The following DUSP22 variants were observed in gnomAD, a reference collection of about 807,000 sequenced individuals.
DUSP22 encodes dual specificity protein phosphatase 22.
DUSP22 carries 24 observed loss-of-function variants against 24.5 expected under a neutral mutation model. That is an observed-to-expected ratio of 0.98 (90% confidence interval 0.71 to 1.38). The LOEUF is 1.38. DUSP22 is among the 40% of genes most tolerant of loss of function. The probability of loss-of-function intolerance (pLI) is 0.00; values close to 1 mark genes in which losing one functional copy is unlikely to be tolerated. For synonymous variants in DUSP22, 160 were observed against 106.4 expected (o/e 1.50, Z -3.10); for missense variants, 330 against 269.2 (o/e 1.23, Z -1.58).
At chr6:336,760 C>G (rs1410515222) in intron 4 of DUSP22, among the ~76,000 whole-genome samples, 1 of 152,300 alleles carries the variant, frequency 6.6e-6, no homozygotes, top group Non-Finnish European at 1.5e-5. Flanking sequence ...CAGAGTAGCA[C>G]TCTAGGCCTG....
chr6:301,870 T>A (rs1360669227), intron 1 of DUSP22, among the ~76,000 whole-genome samples: 6 of 152,296 alleles, frequency 3.9e-5, no homozygotes, highest in Admixed American at 3.9e-4. Context: ...ATCATGGTTC[T>A]ACAACATTAG....
chr6:333,669 A>T (rs780732893), intron 3 of DUSP22, among the ~76,000 whole-genome samples: 1 of 152,306 alleles, frequency 6.6e-6, no homozygotes, highest in African/African-American at 2.4e-5. Flanking sequence ...GCTGAAGTTC[A>T]GGAGTGATCC....
chr6:335,244 G>A lies in DUSP22; in HGVS notation c.188+81G>A, dbSNP rs888604518. 3 of 1,561,390 alleles carry A rather than the reference G, an allele frequency of 1.9e-6. No individual in the cohort carries two copies. In the African/African-American group the frequency reaches 4.1e-5, roughly 21 times the overall value. ...GGTAAAGTCAGAGAAGTAGAAGACTGTGAAGTTGTCAGAGCTCACGGGACC... is the reference window on the plus strand; with the variant it reads ...GGTAAAGTCAGAGAAGTAGAAGACTATGAAGTTGTCAGAGCTCACGGGACC... On this transcript the variant is annotated intron_variant, in intron 4 of 6. Transcript: ENST00000419235.
At chr6:316,393 A>G (rs1184437262) in intron 3 of DUSP22, among the ~76,000 whole-genome samples, 1 of 152,312 alleles carries the variant, frequency 6.6e-6, no homozygotes. Context: ...AGGAAAAAGC[A>G]AAATCCTCCT....
intron 1 of DUSP22, among the ~76,000 whole-genome samples, chr6:294,338 G>T (rs1757227961): frequency 7.2e-6 from 1 of 139,752 alleles, no homozygotes; most frequent in Non-Finnish European, 1.6e-5. Flanking sequence ...TGAGCCAGGT[G>T]TTGTGCTAGT....
rs765027583 is a variant in DUSP22 at position 350,885 on chromosome 6, G to A, written c.*1934G>A. 1 of 1,614,168 alleles carries A rather than the reference G, an allele frequency of 6.2e-7. No homozygotes were observed. The highest frequency in any genetic ancestry group is 8.5e-7 in the Non-Finnish European group (1 of 1,179,960). ...AGACTGTAATGTACCTGAAGTTTCT[G>A]AAATATTGCAAACCCACAGAGTTTA... is the stretch of plus-strand genomic sequence containing the variant. On this transcript the variant is annotated 3_prime_UTR_variant, in exon 7 of 7. Coordinates refer to ENST00000419235, the MANE Select transcript of DUSP22 (RefSeq NM_001286555.3).
intron 3 of DUSP22, among the ~76,000 whole-genome samples, chr6:316,669 G>A (rs1441728336): frequency 1.3e-5 from 2 of 152,304 alleles, no homozygotes; most frequent in South Asian, 4.1e-4. Context: ...TCTTTCTAAT[G>A]TAAAAATTTC....
At chr6:292,592 C>G in intron 1 of DUSP22, 32 bp downstream of exon 1, 1 of 1,587,266 alleles carries the variant, frequency 6.3e-7, no homozygotes, top group Non-Finnish European at 8.6e-7. Context: ...GCTGGGTTTG[C>G]CTCCGCTCCG....
intron 1 of DUSP22, 128 bp downstream of exon 1, chr6:292,688 G>A: frequency 7.5e-7 from 1 of 1,329,414 alleles, no homozygotes; most frequent in Non-Finnish European, 9.8e-7. Flanking sequence ...CGCGGAGGGA[G>A]GGGCGGCGCG....
chr6:342,387 C>G (rs1261043576), intron 4 of DUSP22, among the ~76,000 whole-genome samples: 4 of 152,424 alleles, frequency 2.6e-5, no homozygotes, highest in Admixed American at 2.0e-4. Context: ...CGTGAGCAGC[C>G]TGGGGGACCA....
chr6:310,721 G>A (rs1212696187), intron 2 of DUSP22, among the ~76,000 whole-genome samples: 2 of 152,300 alleles, frequency 1.3e-5, no homozygotes, highest in Non-Finnish European at 2.9e-5. Flanking sequence ...TCATTAAGAG[G>A]CCATTGAATT....
intron 4 of DUSP22, among the ~76,000 whole-genome samples, chr6:341,152 G>A (rs1041807860): frequency 7.2e-5 from 11 of 152,298 alleles, no homozygotes; most frequent in Non-Finnish European, 1.2e-4. Context: ...ATAGCCCCGG[G>A]CGCTGTTTGG....
chr6:296,868 G>GT (rs576575177), intron 1 of DUSP22, among the ~76,000 whole-genome samples: 14 of 152,422 alleles, frequency 9.2e-5, no homozygotes, highest in African/African-American at 3.4e-4. Flanking sequence ...GCCAGGGTTC[G>GT]TTTAGCTCAT....
chr6:292,500 G>C lies in DUSP22; in HGVS notation c.-40G>C. On this transcript the variant is annotated 5_prime_UTR_variant, in exon 1 of 7. Transcript: ENST00000419235. ...CTGTAACATGCCATAGTGCGCCTGC[G>C]ACCACACGGCCGGGGCGCTAGCGTT... 1 of 1,601,948 alleles carries C rather than the reference G, an allele frequency of 6.2e-7. No individual in the cohort carries two copies. The highest frequency in any genetic ancestry group is 1.7e-5 in the Admixed American group (1 of 58,134).
intron 3 of DUSP22, among the ~76,000 whole-genome samples, chr6:317,818 G>A (rs991827974): frequency 6.6e-6 from 1 of 152,430 alleles, no homozygotes; most frequent in East Asian, 1.9e-4. Context: ...TGAAAGGCGA[G>A]ATTTGCACCA....
chr6:310,323 T>G (rs1758019556), intron 2 of DUSP22, among the ~76,000 whole-genome samples: 1 of 152,302 alleles, frequency 6.6e-6, no homozygotes, highest in Admixed American at 6.5e-5. Context: ...CAGGCTGGGA[T>G]GGGGGTGTAG....
intron 3 of DUSP22, among the ~76,000 whole-genome samples, chr6:333,280 T>A (rs1271502285): frequency 6.6e-6 from 1 of 152,296 alleles, no homozygotes; most frequent in Non-Finnish European, 1.5e-5. Context: ...GATTCTAAAT[T>A]AACCCTTGGC....
chr6:343,060 G>A (rs997054424), intron 4 of DUSP22, among the ~76,000 whole-genome samples: 4 of 150,508 alleles, frequency 2.7e-5, no homozygotes, highest in African/African-American at 1.0e-4. Flanking sequence ...TTGGCTTTGC[G>A]GCCTGGCTGT....
At chr6:309,636 T>C (rs1163602933) in intron 2 of DUSP22, among the ~76,000 whole-genome samples, 1 of 152,266 alleles carries the variant, frequency 6.6e-6, no homozygotes, top group African/African-American at 2.4e-5. Flanking sequence ...AACTAGCCTC[T>C]TGGCAGTTCC....
Sources: gnomAD v4.1 joint callset for allele counts (sites outside exome capture counted in the v4.1 genomes callset) on GRCh38, gnomAD v4.1.1 for gene constraint, MANE v1.5 for transcripts, NCBI Gene and HGNC (gene_info 2026-07-23, HGNC 2026-07-21) for gene names.